The following LYPLA1 variants were observed in gnomAD, a reference collection of about 807,000 sequenced individuals.
LYPLA1 encodes lysophospholipase 1.
Under a neutral mutation model 34.0 loss-of-function variants are expected in LYPLA1, and 17 were observed. The observed-to-expected ratio is 0.50, with a 90% CI of 0.34 to 0.75. LYPLA1 has a LOEUF of 0.75. LYPLA1 is among the 30% of genes least tolerant of loss of function. The pLI is 0.01. For missense variants in LYPLA1, 203 were observed against 288.8 expected (o/e 0.70, Z 2.15); for synonymous variants, 98 against 100.8 (o/e 0.97, Z 0.17).
chr8:54,101,290 G>C, intron 1 of LYPLA1: 2 of 1,036,842 alleles, frequency 1.9e-6, no homozygotes, highest in African/African-American at 1.7e-5. Flanking sequence ...GCAAGCTTCC[G>C]GAGGCAAAAA....
At chr8:54,073,641 C>T in intron 2 of LYPLA1, 1 of 460,336 alleles carries the variant, frequency 2.2e-6, no homozygotes, top group South Asian at 2.7e-5. Context: ...AAGGCTGCTG[C>T]TACAATGTCC....
chr8:54,080,503 T>A (rs1808231287), intron 2 of LYPLA1, among the ~76,000 whole-genome samples: 1 of 152,234 alleles, frequency 6.6e-6, no homozygotes, highest in African/African-American at 2.4e-5. Flanking sequence ...CGTATTCCTT[T>A]ATGTTTACAC....
rs1809731634 is a variant in LYPLA1, at chr8:54,096,938, T to C, written c.101+3970A>G. On this transcript the variant is annotated intron_variant, in intron 2 of 8. Coordinates refer to ENST00000316963, the MANE Select transcript of LYPLA1 (RefSeq NM_006330.4). ...AAAAATAAACAAATAAATAAATAAA[T>C]AGAAAATAAATCTGAGTCCATACTA... is the stretch of plus-strand genomic sequence containing the variant. Among the ~76,000 whole-genome samples the C allele has an allele frequency of 6.0e-5, 9 of 151,096 alleles. No individual in the cohort carries two copies. The South Asian group carries it at 1.7e-3, about 28-fold the overall frequency.
At chr8:54,084,311 C>A (rs764525297) in intron 2 of LYPLA1, among the ~76,000 whole-genome samples, 30 of 151,908 alleles carry the variant, frequency 2.0e-4, no homozygotes, top group Non-Finnish European at 4.3e-4. Flanking sequence ...TGGCTCACGC[C>A]TGTATTCCCA....
At chr8:54,073,018 A>C (rs2129342423) in intron 2 of LYPLA1, 1 of 439,156 alleles carries the variant, frequency 2.3e-6, no homozygotes, top group Admixed American at 3.3e-5. Flanking sequence ...GAGAAATGCA[A>C]ATCAAAACCA....
At chr8:54,053,095 C>CT (rs374207905) in intron 6 of LYPLA1, 19,069 of 158,744 alleles carry the variant, frequency 0.12, 2,829 homozygotes, top group African/African-American at 0.38. Context: ...ATTGGTATTA[C>CT]TTTTTTTTTT....
intron 6 of LYPLA1, chr8:54,053,587 C>A: frequency 2.2e-6 from 1 of 456,248 alleles, no homozygotes; most frequent in Non-Finnish European, 4.4e-6. Context: ...GAGAGCCTTT[C>A]ACATCCCAGG....
intron 2 of LYPLA1, chr8:54,073,507 A>T: frequency 1.4e-6 from 1 of 717,868 alleles, no homozygotes; most frequent in East Asian, 2.6e-5. Context: ...CAGAACTACC[A>T]GCATCTACAC....
intron 2 of LYPLA1, among the ~76,000 whole-genome samples, chr8:54,066,698 T>G (rs1389015692): frequency 6.6e-6 from 1 of 151,460 alleles, no homozygotes; most frequent in Non-Finnish European, 1.5e-5. Flanking sequence ...GGAGAATTGC[T>G]TGAACCCAGG....
intron 2 of LYPLA1, among the ~76,000 whole-genome samples, chr8:54,088,587 T>C (rs963173167): frequency 4.6e-5 from 7 of 152,232 alleles, no homozygotes; most frequent in South Asian, 2.1e-4. Context: ...AGAGCTACCA[T>C]TGACTTAGCA....
intron 2 of LYPLA1, among the ~76,000 whole-genome samples, chr8:54,068,963 CACAA>C (rs1807275345): frequency 6.6e-6 from 1 of 152,102 alleles, no homozygotes; most frequent in South Asian, 2.1e-4. Context: ...ACTTGCAACT[CACAA>C]ACAAAAAGAC....
chr8:54,049,797 C>G (rs1805727921), intron 8 of LYPLA1, among the ~76,000 whole-genome samples: 1 of 152,164 alleles, frequency 6.6e-6, no homozygotes, highest in Non-Finnish European at 1.5e-5. Flanking sequence ...AAGGTCTATA[C>G]ATGTTGCCTC....
intron 2 of LYPLA1, among the ~76,000 whole-genome samples, chr8:54,087,334 G>A (rs1474601179): frequency 1.3e-5 from 2 of 152,186 alleles, no homozygotes; most frequent in African/African-American, 4.8e-5. Context: ...CAAAATAAGT[G>A]AAGGACTTGA....
Position 54,065,729 on chromosome 8 carries a change from G to C in LYPLA1, c.167+19C>G. ...TCTCCAGACTCTGAATCACAAGCCT[G>C]AAGATCAGAAATACTCACGCATGCG... On this transcript the variant is annotated intron_variant, in intron 3 of 8. Coordinates refer to ENST00000316963, the MANE Select transcript of LYPLA1 (RefSeq NM_006330.4). 6.2e-7 allele frequency: 1 copy of C among 1,607,764 alleles called. No individual in the cohort carries two copies. Among genetic ancestry groups the C allele is most frequent in the Non-Finnish European group, 8.5e-7 (1 of 1,174,852 alleles).
rs182048074 is a variant in LYPLA1 at position 54,074,649 on chromosome 8, C to A, written c.102-8836G>T. 5.3e-5 allele frequency among the ~76,000 whole-genome samples: 8 copies of A among 152,364 alleles called. No individual in the cohort carries two copies. In the East Asian group the frequency reaches 1.3e-3, roughly 26 times the overall value. ...ATGCCTCTGGTCTCAAACGCAGATA[C>A]AGCATTACCTGGAAAGAAGCTAAAG... On this transcript the variant is annotated intron_variant, in intron 2 of 8. Coordinates refer to ENST00000316963, the MANE Select transcript of LYPLA1 (RefSeq NM_006330.4).
chr8:54,067,225 G>C (rs1045747575), intron 2 of LYPLA1, among the ~76,000 whole-genome samples: 2 of 152,118 alleles, frequency 1.3e-5, no homozygotes, highest in Admixed American at 6.6e-5. Flanking sequence ...GCTGAGCATG[G>C]TGGCTCATGT....
rs568494937 is a variant in LYPLA1 at position 54,055,821 on chromosome 8, T to C, written c.287-688A>G. Among the ~76,000 whole-genome samples the C allele has an allele frequency of 2.6e-5, 4 of 152,104 alleles. No individual in the cohort carries two copies. In the East Asian group the frequency reaches 5.8e-4, roughly 22 times the overall value. On this transcript the variant is annotated intron_variant, in intron 5 of 8. Transcript: ENST00000316963. The stretch of plus-strand genomic sequence containing the variant: ...ACCATGCCCGGCTAATTTTTTGTAT[T>C]TTTAGTAGAGACGAGGTTTCACCGT...
At chr8:54,076,998 A>G (rs1427767581) in intron 2 of LYPLA1, among the ~76,000 whole-genome samples, 1 of 152,132 alleles carries the variant, frequency 6.6e-6, no homozygotes, top group African/African-American at 2.4e-5. Context: ...TCTCCCTGAC[A>G]GAGCTGGTCT....
At chr8:54,075,423 T>A (rs1380393251) in intron 2 of LYPLA1, among the ~76,000 whole-genome samples, 1 of 152,156 alleles carries the variant, frequency 6.6e-6, no homozygotes, top group Non-Finnish European at 1.5e-5. Context: ...CCCGGGAGCA[T>A]CCCGAGGGCC....
Sources: allele counts gnomAD v4.1 joint callset (sites outside exome capture counted in the v4.1 genomes callset), GRCh38; gene constraint gnomAD v4.1.1; transcripts MANE v1.5; gene names NCBI Gene and HGNC (gene_info 2026-07-23, HGNC 2026-07-21).